The following CHD6 variants were observed in gnomAD, a reference collection of about 807,000 sequenced individuals.
The protein encoded by CHD6 is chromodomain helicase DNA binding protein 6.
Under a neutral mutation model 276.9 loss-of-function variants are expected in CHD6, and 50 were observed. The ratio of observed to expected loss-of-function variants is 0.18; its 90% CI spans 0.14 to 0.23. The LOEUF is 0.23. Ranked by LOEUF, CHD6 falls within the 10% of genes least tolerant of loss-of-function variation. The pLI, the probability that CHD6 is intolerant of heterozygous loss-of-function variation, is 1.00. For missense variants in CHD6, 2,564 were observed against 3,365.8 expected, an observed-to-expected ratio of 0.76 and a Z score of 5.89; for synonymous variants, 1,173 against 1,229.3, an observed-to-expected ratio of 0.95 and a Z score of 0.96.
Position 41,585,957 on chromosome 20 carries a change from A to G in CHD6, c.-24+32383T>C, listed in dbSNP as rs149599340. ...GCACCCACCTTTAAACACGGGGCTT[A>G]TAACTCAGCTCACACCTGACCAATC... On this transcript the variant is annotated intron_variant, in intron 1 of 36. Coordinates refer to ENST00000373233, the MANE Select transcript of CHD6 (RefSeq NM_032221.5). 6.4e-3 allele frequency among the ~76,000 whole-genome samples: 982 copies of G among 152,352 alleles called. 11 individuals are homozygous for G. Among genetic ancestry groups the G allele is most frequent in the Middle Eastern group, 0.024 (7 of 294 alleles).
In CHD6 at chr20:41,423,705, A is replaced by G; in HGVS notation, c.4347-5T>C. The G allele has an allele frequency of 6.2e-7, 1 of 1,611,026 alleles. No homozygotes were observed. Among genetic ancestry groups the G allele is most frequent in the Non-Finnish European group, 8.5e-7 (1 of 1,177,440 alleles). On this transcript the variant is annotated splice_polypyrimidine_tract_variant and splice_region_variant and intron_variant, in intron 29 of 36. Coordinates refer to ENST00000373233, the MANE Select transcript of CHD6 (RefSeq NM_032221.5). ...GCTTGTTCTCTCCTAGTCCACCTTG[A>G]GATTTAATCAGAAAGGAAGAGTGAG...
intron 23 of CHD6, among the ~76,000 whole-genome samples, chr20:41,448,389 A>G (rs1319987049): frequency 6.6e-6 from 1 of 152,210 alleles, no homozygotes; most frequent in Non-Finnish European, 1.5e-5. Flanking sequence ...AAATGAATAA[A>G]GGCAAGTGTC....
At chr20:41,591,211 T>G (rs1425235662) in intron 1 of CHD6, among the ~76,000 whole-genome samples, 2 of 57,912 alleles carry the variant, frequency 3.5e-5, no homozygotes, top group African/African-American at 6.6e-5. Context: ...GGGCCTGTTG[T>G]GGGGTGGGGG....
In CHD6 at chr20:41,514,868, A is replaced by C; in HGVS notation, c.639T>G (p.Asp213Glu). The C allele has an allele frequency of 6.2e-7, 1 of 1,614,022 alleles. No homozygotes were observed. The highest frequency in any genetic ancestry group is 8.5e-7 in the Non-Finnish European group (1 of 1,179,970). ...SETTVESLEL[D>E]QGLTNPSLRS... ...GCAGAGATGGGTTCGTCAGGCCCTGATCCAGCTCTAAACTCTCCACTGTAG... is the reference window on the plus strand; with the variant it reads ...GCAGAGATGGGTTCGTCAGGCCCTGCTCCAGCTCTAAACTCTCCACTGTAG... Residue 213 changes from aspartate to glutamate, a missense_variant, in exon 4 of 37, where the codon GAT (aspartate) becomes GAG (glutamate). This residue lies in a region of CHD6 where 286 missense variants were observed against 297.8 expected (regional missense o/e 0.96). Coordinates refer to ENST00000373233, the MANE Select transcript of CHD6 (RefSeq NM_032221.5).
At chr20:41,435,482 T>TG (rs1298582899) in intron 27 of CHD6, among the ~76,000 whole-genome samples, 1 of 152,096 alleles carries the variant, frequency 6.6e-6, no homozygotes, top group East Asian at 1.9e-4. Flanking sequence ...TATGCACCTG[T>TG]GGTCCCTACT....
intron 14 of CHD6, among the ~76,000 whole-genome samples, chr20:41,487,441 A>C (rs1275714196): frequency 6.6e-6 from 1 of 152,222 alleles, no homozygotes. Context: ...TTTTGGGCGC[A>C]TAAGATATTT....
At chr20:41,418,547 G>C (rs1400671069) in intron 31 of CHD6, among the ~76,000 whole-genome samples, 1 of 152,044 alleles carries the variant, frequency 6.6e-6, no homozygotes. Flanking sequence ...GATTCAATGG[G>C]GGACCACCAC....
intron 15 of CHD6, among the ~76,000 whole-genome samples, chr20:41,484,144 T>G (rs1017083744): frequency 1.3e-5 from 2 of 152,200 alleles, no homozygotes; most frequent in Non-Finnish European, 2.9e-5. Context: ...GAAGTTAAGT[T>G]CAAACCTTGG....
rs1259777718 is a variant in CHD6, at chr20:41,589,566, C to T, written c.-24+28774G>A. ...TGCAAAAATCACAAGCATTCTTATA[C>T]ACCAATAACAGGCAAACAGAGAGCC... On this transcript the variant is annotated intron_variant, in intron 1 of 36. Transcript: ENST00000373233. 2.0e-5 allele frequency among the ~76,000 whole-genome samples: 3 copies of T among 152,186 alleles called. No homozygotes were observed. The East Asian group carries it at 5.8e-4, about 29-fold the overall frequency.
intron 22 of CHD6, among the ~76,000 whole-genome samples, chr20:41,451,464 G>A (rs2048237467): frequency 6.6e-6 from 1 of 152,188 alleles, no homozygotes; most frequent in African/African-American, 2.4e-5. Context: ...GGATAGGGAA[G>A]GAATGTAGCA....
At chr20:41,611,756 G>C (rs924166872) in intron 1 of CHD6, among the ~76,000 whole-genome samples, 7 of 152,128 alleles carry the variant, frequency 4.6e-5, no homozygotes, top group Non-Finnish European at 7.4e-5. Flanking sequence ...TCCTGCCTCA[G>C]CCTCTGGTGT....
intron 3 of CHD6, among the ~76,000 whole-genome samples, chr20:41,526,127 A>G (rs1238652498): frequency 6.6e-6 from 1 of 152,102 alleles, no homozygotes; most frequent in East Asian, 1.9e-4. Flanking sequence ...CAGGCCACAG[A>G]GTAAGCACTT....
At chr20:41,449,166 G>C (rs536743317) in intron 23 of CHD6, among the ~76,000 whole-genome samples, 2 of 152,304 alleles carry the variant, frequency 1.3e-5, no homozygotes, top group African/African-American at 4.8e-5. Context: ...GCCTCCCAAA[G>C]TGCTGGGATT....
chr20:41,542,965 G>A (rs866000352), intron 2 of CHD6, among the ~76,000 whole-genome samples: 1 of 151,274 alleles, frequency 6.6e-6, no homozygotes, highest in Admixed American at 6.6e-5. Flanking sequence ...CTAGCTGGGT[G>A]TGGTGGCGTG....
intron 3 of CHD6, among the ~76,000 whole-genome samples, chr20:41,532,604 T>C (rs2044714599): frequency 1.3e-5 from 2 of 152,144 alleles, no homozygotes; most frequent in Admixed American, 6.5e-5. Context: ...CAGTATTAAT[T>C]AAGGTTATCT....
intron 1 of CHD6, among the ~76,000 whole-genome samples, chr20:41,611,848 A>G (rs1161456917): frequency 6.6e-6 from 1 of 152,142 alleles, no homozygotes; most frequent in Non-Finnish European, 1.5e-5. Context: ...ATGCTGGCCA[A>G]GCTGGTCTTG....
At chr20:41,501,287 T>C (rs944308370) in intron 5 of CHD6, among the ~76,000 whole-genome samples, 2 of 152,230 alleles carry the variant, frequency 1.3e-5, no homozygotes, top group South Asian at 2.1e-4. Flanking sequence ...GGCATACTTG[T>C]AGTATGCAGA....
rs2045483654 is a variant in CHD6 at position 41,577,201 on chromosome 20, A to T, written c.-23-25841T>A. On this transcript the variant is annotated intron_variant, in intron 1 of 36. Coordinates refer to ENST00000373233, the MANE Select transcript of CHD6 (RefSeq NM_032221.5). ...TATCTCCTGGCTTGGTTCTACAGAG[A>T]CTTGTGGCCGCTATTTATCATGATT... Among the ~76,000 whole-genome samples the T allele has an allele frequency of 2.0e-5, 3 of 152,214 alleles. No homozygotes were observed. The South Asian group carries it at 6.2e-4, about 32-fold the overall frequency.
intron 4 of CHD6, among the ~76,000 whole-genome samples, chr20:41,514,401 A>C (rs2044200504): frequency 6.6e-6 from 1 of 152,198 alleles, no homozygotes; most frequent in South Asian, 2.1e-4. Flanking sequence ...TTGTTGGCAT[A>C]ATGGATACAT....
Sources: allele counts gnomAD v4.1 joint callset (sites outside exome capture counted in the v4.1 genomes callset), GRCh38; gene constraint gnomAD v4.1.1; regional missense constraint gnomAD v4.1.1; transcripts MANE v1.5; gene names NCBI Gene and HGNC (gene_info 2026-07-23, HGNC 2026-07-21).